The following TNS1 variants were observed in gnomAD, a reference collection of about 807,000 sequenced individuals.
TNS1 encodes the protein tensin-1.
TNS1 carries 62 observed loss-of-function variants against 168.6 expected under a neutral mutation model. The ratio of observed to expected loss-of-function variants is 0.37; its 90% CI spans 0.30 to 0.45. The LOEUF (loss-of-function observed/expected upper bound fraction) is 0.45. Among genes scored for constraint, TNS1 ranks in the 20% least tolerant of loss-of-function variants. TNS1 has a pLI of 1.00. For missense variants in TNS1, 2,240 were observed against 2,339.4 expected, an observed-to-expected ratio of 0.96 and a Z score of 0.88; for synonymous variants, 934 against 933.2, an observed-to-expected ratio of 1.00 and a Z score of -0.02.
chr2:218,027,955 C>A (rs185606292), intron 1 of TNS1, among the ~76,000 whole-genome samples: 23 of 152,306 alleles, frequency 1.5e-4, no homozygotes, highest in African/African-American at 4.3e-4. Flanking sequence ...TCAATTTCAG[C>A]CATGGCAGGA....
chr2:218,031,854 G>A (rs781093101), intron 1 of TNS1, among the ~76,000 whole-genome samples: 12 of 152,214 alleles, frequency 7.9e-5, no homozygotes, highest in Non-Finnish European at 1.8e-4. Flanking sequence ...AGTTCTCCGG[G>A]CTGAAAGAAG....
intron 18 of TNS1, among the ~76,000 whole-genome samples, chr2:217,863,875 G>A (rs905019245): frequency 2.0e-5 from 3 of 152,168 alleles, no homozygotes; most frequent in Non-Finnish European, 2.9e-5. Flanking sequence ...GGTGGGCACA[G>A]CAGCTGCATA....
intron 6 of TNS1, among the ~76,000 whole-genome samples, chr2:217,905,135 C>T (rs771249733): frequency 1.3e-5 from 2 of 152,176 alleles, no homozygotes; most frequent in African/African-American, 2.4e-5. Context: ...TTATTGAGCA[C>T]GTATGATATA....
At chr2:217,920,519 C>T (rs1955606549) in intron 3 of TNS1, among the ~76,000 whole-genome samples, 1 of 151,010 alleles carries the variant, frequency 6.6e-6, no homozygotes, top group Non-Finnish European at 1.5e-5. Context: ...GAGATCACTG[C>T]ACCGGCATTT....
intron 18 of TNS1, among the ~76,000 whole-genome samples, chr2:217,864,178 C>T (rs1949049100): frequency 6.6e-6 from 1 of 152,220 alleles, no homozygotes; most frequent in South Asian, 2.1e-4. Context: ...GACATATCCA[C>T]TCACCGCGCT....
In TNS1 at chr2:217,818,222, G is replaced by C; in HGVS notation, c.4110C>G (p.Thr1370=). ...VSGLHNKVAT[T]PGSPSLGRHP... is the part of the protein sequence containing the mutation. The stretch of plus-strand genomic sequence containing the variant: ...GCCGGCCCAGGCTGGGACTCCCCGG[G>C]GTGGTGGCCACTTTGTTGTGGAGGC... Residue 1370 remains threonine (T), a synonymous_variant, in exon 24 of 33, where the codon ACC becomes ACG. Coordinates refer to ENST00000682258, the MANE Select transcript of TNS1 (RefSeq NM_001387777.1). 6.2e-7 allele frequency: 1 copy of C among 1,613,910 alleles called. No homozygotes were observed. The highest frequency in any genetic ancestry group is 1.1e-5 in the South Asian group (1 of 91,062).
At chr2:217,911,971 G>A (rs1046020098) in intron 4 of TNS1, among the ~76,000 whole-genome samples, 1 of 152,224 alleles carries the variant, frequency 6.6e-6, no homozygotes, top group Non-Finnish European at 1.5e-5. Context: ...ACAACAGAGA[G>A]AACTTCCTGA....
intron 2 of TNS1, among the ~76,000 whole-genome samples, chr2:217,981,738 G>A (rs78675466): frequency 0.011 from 1,620 of 152,266 alleles, 30 homozygotes; most frequent in African/African-American, 0.037. Flanking sequence ...CCCTCTTTGC[G>A]TGCCTATCCA....
chr2:218,027,713 C>T (rs747814002), intron 1 of TNS1, among the ~76,000 whole-genome samples: 22 of 151,850 alleles, frequency 1.4e-4, no homozygotes, highest in South Asian at 1.0e-3. Flanking sequence ...GGTGAGGGGA[C>T]GGTGGGAGTG....
In TNS1 at chr2:217,886,579, G is replaced by A. The variant is rs555681856; in HGVS notation, c.934C>T (p.His312Tyr). ...GGGATGCCGTGCATGATCACGTGGT[G>A]CAGAAACAAGGGCTTGTTGTTCATT... is the stretch of plus-strand genomic sequence containing the variant. ...IKMNNKPLFL[H>Y]HVIMHGIPNF... Residue 312 changes from histidine (H) to tyrosine (Y), a missense_variant, in exon 13 of 33, where the codon CAC becomes TAC. Around this residue, in one of 2 missense-constraint regions of TNS1, gnomAD observed 2,131 missense variants for 2,171.2 expected, o/e 0.98. Transcript: ENST00000682258. 2 of 1,606,122 alleles carry A rather than the reference G, an allele frequency of 1.2e-6. No individual in the cohort carries two copies. Among genetic ancestry groups the A allele is most frequent in the African/African-American group, 2.7e-5 (2 of 74,986 alleles).
At chr2:217,923,527 G>A (rs866427159) in intron 3 of TNS1, among the ~76,000 whole-genome samples, 7 of 152,164 alleles carry the variant, frequency 4.6e-5, no homozygotes, top group African/African-American at 1.4e-4. Flanking sequence ...TTGGCCAACA[G>A]GAGGCACGAT....
At chr2:217,872,239 G>C (rs1470005471) in intron 18 of TNS1, among the ~76,000 whole-genome samples, 3 of 152,226 alleles carry the variant, frequency 2.0e-5, no homozygotes, top group Non-Finnish European at 4.4e-5. Flanking sequence ...CCTTGCAGAA[G>C]AGATGACTGA....
chr2:217,868,624 T>G (rs1949496902), intron 18 of TNS1, among the ~76,000 whole-genome samples: 1 of 152,242 alleles, frequency 6.6e-6, no homozygotes, highest in South Asian at 2.1e-4. Context: ...AGATGATTAC[T>G]TTTAATTCTC....
chr2:217,939,337 G>T lies in TNS1; in HGVS notation c.187-19101C>A, dbSNP rs377614440. ...GTCCAAGTCTAACAAATCCTCACCA[G>T]GCCTCATCAAAACCCTCACCCCTCT... On this transcript the variant is annotated intron_variant, in intron 3 of 32. Transcript: ENST00000682258. Among the ~76,000 whole-genome samples, 33 of 152,264 alleles carry T rather than the reference G, an allele frequency of 2.2e-4. No homozygotes were observed. The South Asian group carries it at 3.3e-3, about 15-fold the overall frequency.
chr2:217,966,308 T>TGTGCGCGCGCGC (rs372273499), intron 3 of TNS1, among the ~76,000 whole-genome samples: 1 of 133,674 alleles, frequency 7.5e-6, no homozygotes, highest in East Asian at 2.3e-4. Flanking sequence ...TGTGTGTGTG[T>TGTGCGCGCGCGC]GCGCGCGCGC....
chr2:218,021,159 C>T (rs1008376316), intron 1 of TNS1, among the ~76,000 whole-genome samples: 1 of 152,238 alleles, frequency 6.6e-6, no homozygotes, highest in Non-Finnish European at 1.5e-5. Flanking sequence ...GCCAGGCCCT[C>T]CTCTGAGAGC....
intron 28 of TNS1, 77 bp downstream of exon 28, chr2:217,812,291 A>T: frequency 8.0e-7 from 1 of 1,257,524 alleles, no homozygotes; most frequent in East Asian, 2.4e-5. Flanking sequence ...CCATGTCCGG[A>T]GTGGCTGGCA....
At chr2:217,900,909 T>C (rs529650566) in intron 6 of TNS1, among the ~76,000 whole-genome samples, 24 of 152,252 alleles carry the variant, frequency 1.6e-4, no homozygotes, top group African/African-American at 5.5e-4. Context: ...AAAGGAGCGA[T>C]GAGAGTAATG....
At position 217,800,187 on chromosome 2, in the gene TNS1, G is replaced by C. The variant is rs1937268616; in HGVS notation, c.*4272C>G. 1.3e-5 allele frequency: 2 copies of C among 152,294 alleles called. No individual in the cohort carries two copies. The highest frequency in any genetic ancestry group is 2.4e-5 in the African/African-American group (1 of 41,444). The allele number at this position is 152,294 out of a possible 1,614,324, so 9.4% of individuals were successfully genotyped here. A position where few individuals can be genotyped will look rare whatever the true frequency, so the allele number is the denominator to read the frequency against. ...ACGCACAAACAAAACACAGACACAG[G>C]AGAGTTTCAAACAGCTTAACACTGA... On this transcript the variant is annotated 3_prime_UTR_variant, in exon 33 of 33. Coordinates refer to ENST00000682258, the MANE Select transcript of TNS1 (RefSeq NM_001387777.1).
Sources: allele counts gnomAD v4.1 joint callset (sites outside exome capture counted in the v4.1 genomes callset), GRCh38; gene constraint gnomAD v4.1.1; regional missense constraint gnomAD v4.1.1; transcripts MANE v1.5; gene names NCBI Gene and HGNC (gene_info 2026-07-23, HGNC 2026-07-21).